The following SLC16A9 variants were observed in gnomAD, a reference collection of about 807,000 sequenced individuals.
SLC16A9 encodes monocarboxylate transporter 9.
Under a neutral mutation model 44.3 loss-of-function variants are expected in SLC16A9, and 26 were observed. The observed-to-expected ratio is 0.59, with a 90% CI of 0.43 to 0.81. The LOEUF (loss-of-function observed/expected upper bound fraction) is 0.81, where lower values mean the gene tolerates loss of function less well. Ranked by LOEUF, SLC16A9 falls within the 40% of genes least tolerant of loss-of-function variation. SLC16A9 has a pLI of 0.00. For synonymous variants in SLC16A9, 230 were observed against 225.1 expected, an observed-to-expected ratio of 1.02 and a Z score of -0.19; for missense variants, 559 against 595.8, an observed-to-expected ratio of 0.94 and a Z score of 0.64.
chr10:59,664,120 G>A (rs1839549911), intron 4 of SLC16A9, 107 bp downstream of exon 4: 2 of 506,348 alleles, frequency 3.9e-6, no homozygotes, highest in Admixed American at 8.0e-5. Context: ...TTTGCTACCT[G>A]ATTGGTAGCT....
intron 1 of SLC16A9, among the ~76,000 whole-genome samples, chr10:59,701,511 A>C (rs1840522630): frequency 6.6e-6 from 1 of 152,244 alleles, no homozygotes; most frequent in Non-Finnish European, 1.5e-5. Flanking sequence ...GATATCAATG[A>C]CAATCATTCT....
At chr10:59,686,744 T>C (rs1256449016) in intron 1 of SLC16A9, among the ~76,000 whole-genome samples, 1 of 152,220 alleles carries the variant, frequency 6.6e-6, no homozygotes, top group Non-Finnish European at 1.5e-5. Context: ...TTACAATTTT[T>C]TATCTCCTTA....
At chr10:59,703,007 A>T (rs1243176260) in intron 1 of SLC16A9, among the ~76,000 whole-genome samples, 1 of 152,262 alleles carries the variant, frequency 6.6e-6, no homozygotes, top group African/African-American at 2.4e-5. Flanking sequence ...CTTTCACATT[A>T]AGATGGAAAG....
At chr10:59,705,469 A>G (rs928395968) in intron 1 of SLC16A9, among the ~76,000 whole-genome samples, 3 of 152,190 alleles carry the variant, frequency 2.0e-5, no homozygotes, top group African/African-American at 7.2e-5. Context: ...ATGCCTCCCT[A>G]GATAACATAA....
At chr10:59,700,943 AC>A (rs1840509671) in intron 1 of SLC16A9, among the ~76,000 whole-genome samples, 1 of 152,114 alleles carries the variant, frequency 6.6e-6, no homozygotes, top group Admixed American at 6.5e-5. Context: ...CCAAGTGATC[AC>A]AGATACTCAA....
chr10:59,703,845 G>A (rs1401479266), intron 1 of SLC16A9, among the ~76,000 whole-genome samples: 3 of 151,594 alleles, frequency 2.0e-5, no homozygotes, highest in Non-Finnish European at 4.4e-5. Flanking sequence ...CAGCCTCCCA[G>A]GTAGCTGGGA....
chr10:59,697,786 T>TA (rs1019159194), intron 1 of SLC16A9, among the ~76,000 whole-genome samples: 197 of 148,814 alleles, frequency 1.3e-3, no homozygotes, highest in African/African-American at 4.3e-3. Context: ...AATAAAAAAA[T>TA]AAAAAAAAGA....
At position 59,672,880 on chromosome 10, in the gene SLC16A9, C is replaced by G. The variant is rs1839784018; in HGVS notation, c.230G>C (p.Gly77Ala). 6.2e-7 allele frequency: 1 copy of G among 1,612,976 alleles called. No individual in the cohort carries two copies. The highest frequency in any genetic ancestry group is 1.3e-5 in the African/African-American group (1 of 74,774). The change falls in exon 3 of 6, where the codon GGA (glycine) becomes GCA (alanine). Residue 77 changes from glycine to alanine, a missense_variant. Coordinates refer to ENST00000395348, the MANE Select transcript of SLC16A9 (RefSeq NM_194298.3). ...PVCSLCVSSF[G>A]ARPVTIFSGF... ...ACTGAAGATTGTGACAGGTCTTGCT[C>G]CAAAAGATGAGACACAGAGACTGCA...
intron 1 of SLC16A9, among the ~76,000 whole-genome samples, chr10:59,688,890 T>G (rs1376635541): frequency 6.6e-6 from 1 of 151,832 alleles, no homozygotes; most frequent in Non-Finnish European, 1.5e-5. Context: ...TGGGGGAGGA[T>G]GAAGAGAATT....
chr10:59,690,247 A>C (rs962871540), intron 1 of SLC16A9, among the ~76,000 whole-genome samples: 3 of 152,212 alleles, frequency 2.0e-5, no homozygotes, highest in Non-Finnish European at 4.4e-5. Flanking sequence ...ACTTACATTT[A>C]AGTTATATTG....
intron 3 of SLC16A9, among the ~76,000 whole-genome samples, chr10:59,667,888 A>G (rs1157491586): frequency 6.6e-6 from 1 of 152,218 alleles, no homozygotes; most frequent in Non-Finnish European, 1.5e-5. Context: ...ATATATTTAC[A>G]TGTTGTAACA....
At chr10:59,697,962 TA>T (rs34931109) in intron 1 of SLC16A9, among the ~76,000 whole-genome samples, 1,789 of 136,096 alleles carry the variant, frequency 0.013, 46 homozygotes, top group African/African-American at 0.045. Context: ...GGGCACACAG[TA>T]AAAAAAAAAA....
chr10:59,688,753 C>A (rs1840188339), intron 1 of SLC16A9, among the ~76,000 whole-genome samples: 2 of 146,892 alleles, frequency 1.4e-5, no homozygotes, highest in African/African-American at 5.1e-5. Context: ...TGTGTGAAGA[C>A]AAATGCATAC....
intron 3 of SLC16A9, among the ~76,000 whole-genome samples, chr10:59,666,921 A>G (rs1839632640): frequency 6.6e-6 from 1 of 151,636 alleles, no homozygotes; most frequent in African/African-American, 2.4e-5. Context: ...TGTATCTGTC[A>G]CCATGCATTT....
intron 1 of SLC16A9, among the ~76,000 whole-genome samples, chr10:59,692,094 A>G (rs1018634199): frequency 3.3e-5 from 5 of 152,358 alleles, no homozygotes; most frequent in Non-Finnish European, 4.4e-5. Context: ...AAGGAGGTCA[A>G]CAGTAGCACA....
chr10:59,676,323 A>C (rs1321538617), intron 2 of SLC16A9, among the ~76,000 whole-genome samples: 1 of 152,214 alleles, frequency 6.6e-6, no homozygotes, highest in Admixed American at 6.5e-5. Flanking sequence ...ACATCTGCAA[A>C]ATGTGATATA....
chr10:59,678,540 C>CTTTTTTTTTTTTTTTTTT (rs1426559419), intron 2 of SLC16A9, among the ~76,000 whole-genome samples: 1 of 22,334 alleles, frequency 4.5e-5, no homozygotes, highest in Admixed American at 5.1e-4. Flanking sequence ...TTTTCTTTTT[C>CTTTTTTTTTTTTTTTTTT]TTTTTCTTTT....
At chr10:59,677,599 G>GGCCAAAAGC (rs1164302416) in intron 2 of SLC16A9, among the ~76,000 whole-genome samples, 1 of 152,074 alleles carries the variant, frequency 6.6e-6, no homozygotes, top group Non-Finnish European at 1.5e-5. Context: ...TAAAACCCAA[G>GGCCAAAAGC]GCCAAAAGCA....
intron 4 of SLC16A9, among the ~76,000 whole-genome samples, chr10:59,662,649 A>AAAG (rs1554867798): frequency 6.8e-5 from 10 of 147,326 alleles, no homozygotes; most frequent in African/African-American, 2.0e-4. Flanking sequence ...AAAAAAAAAA[A>AAAG]AAAAGAAAAG....
Sources: gnomAD v4.1 joint callset for allele counts (sites outside exome capture counted in the v4.1 genomes callset) on GRCh38, gnomAD v4.1.1 for gene constraint, MANE v1.5 for transcripts, NCBI Gene and HGNC (gene_info 2026-07-23, HGNC 2026-07-21) for gene names.